ARMH3: variants seen among roughly 807,000 people sequenced by gnomAD.
The protein encoded by ARMH3 is armadillo like helical domain containing 3.
A neutral mutation model predicts 99.1 loss-of-function variants in ARMH3; 60 were observed. That is an observed-to-expected ratio of 0.61 (90% CI 0.49 to 0.75). The LOEUF (loss-of-function observed/expected upper bound fraction) is 0.75. Ranked by LOEUF, ARMH3 falls within the 30% of genes least tolerant of loss-of-function variation. The pLI, the probability that ARMH3 is intolerant of heterozygous loss-of-function variation, is 0.00. For missense variants in ARMH3, 679 were observed against 843.1 expected, an observed-to-expected ratio of 0.81 and a Z score of 2.41; for synonymous variants, 285 against 292.8, an observed-to-expected ratio of 0.97 and a Z score of 0.27.
chr10:101,984,981 T>C (rs1003436703), intron 19 of ARMH3, among the ~76,000 whole-genome samples: 7 of 151,200 alleles, frequency 4.6e-5, no homozygotes, highest in African/African-American at 1.5e-4. Flanking sequence ...AGGCAGAGAA[T>C]TGCTTGAACC....
chr10:101,857,684 G>A (rs1160051312), intron 24 of ARMH3, among the ~76,000 whole-genome samples: 6 of 152,174 alleles, frequency 3.9e-5, no homozygotes, highest in African/African-American at 1.4e-4. Context: ...AAACTCAAAG[G>A]AAGACGACTT....
intron 1 of ARMH3, among the ~76,000 whole-genome samples, chr10:102,054,840 AC>A: frequency 6.6e-6 from 1 of 152,016 alleles, no homozygotes; most frequent in East Asian, 1.9e-4. Context: ...TACTAAAAAT[AC>A]AAAAATTAGC....
intron 19 of ARMH3, among the ~76,000 whole-genome samples, chr10:101,983,477 T>G (rs1262509616): frequency 6.6e-6 from 1 of 152,116 alleles, no homozygotes; most frequent in Non-Finnish European, 1.5e-5. Flanking sequence ...GTCACCAAGT[T>G]GCTCAGGCTG....
chr10:101,967,792 T>C (rs1468210151), intron 20 of ARMH3, among the ~76,000 whole-genome samples: 4 of 152,144 alleles, frequency 2.6e-5, no homozygotes, highest in African/African-American at 4.8e-5. Context: ...TACAGGCATC[T>C]GTCTGGATGC....
At chr10:101,861,814 CGAG>C (rs2066877654) in intron 24 of ARMH3, among the ~76,000 whole-genome samples, 1 of 140,820 alleles carries the variant, frequency 7.1e-6, no homozygotes, top group South Asian at 2.2e-4. Flanking sequence ...GGGTGGATCA[CGAG>C]GTCAGGAGAT....
At chr10:101,849,201 T>A (rs2135250183) in intron 25 of ARMH3, among the ~76,000 whole-genome samples, 1 of 152,278 alleles carries the variant, frequency 6.6e-6, no homozygotes, top group South Asian at 2.1e-4. Context: ...GGGCTGAGCT[T>A]TTCTTGAGAA....
chr10:101,861,309 G>A (rs1554849003), intron 24 of ARMH3, among the ~76,000 whole-genome samples: 1 of 151,750 alleles, frequency 6.6e-6, no homozygotes, highest in Non-Finnish European at 1.5e-5. Context: ...GTGCTGACAG[G>A]AAAAAAAATA....
intron 1 of ARMH3, among the ~76,000 whole-genome samples, chr10:102,042,740 C>CT (rs1426273613): frequency 2.0e-5 from 3 of 152,168 alleles, no homozygotes; most frequent in African/African-American, 7.2e-5. Context: ...AAACTTTTTC[C>CT]TTGGGTCTCA....
chr10:102,021,639 C>T (rs1299481331), intron 8 of ARMH3, among the ~76,000 whole-genome samples: 1 of 152,026 alleles, frequency 6.6e-6, no homozygotes. Flanking sequence ...GCTCCGCCTC[C>T]TGGGTTCACA....
intron 8 of ARMH3, among the ~76,000 whole-genome samples, chr10:102,019,846 T>C (rs1282046805): frequency 2.0e-5 from 3 of 147,954 alleles, no homozygotes; most frequent in African/African-American, 5.0e-5. Context: ...GAGAATGGCA[T>C]GAACCCAGGA....
In ARMH3 at chr10:102,042,903, T is replaced by C. The variant is rs531877936; in HGVS notation, c.-11-2778A>G. On this transcript the variant is annotated intron_variant, in intron 1 of 25. Transcript: ENST00000370033. The stretch of plus-strand genomic sequence containing the variant: ...GCCTGACCAACATGCAGAAACCCCG[T>C]CTCTACTAAAAATACAAAATTAGCC... 5.3e-5 allele frequency among the ~76,000 whole-genome samples: 8 copies of C among 152,168 alleles called. No homozygotes were observed. The East Asian group carries it at 1.5e-3, about 29-fold the overall frequency.
intron 23 of ARMH3, among the ~76,000 whole-genome samples, chr10:101,900,453 A>C (rs772290038): frequency 3.9e-5 from 6 of 152,194 alleles, no homozygotes; most frequent in Non-Finnish European, 8.8e-5. Flanking sequence ...ACTGGAGATA[A>C]GCTCAAAACC....
intron 20 of ARMH3, among the ~76,000 whole-genome samples, chr10:101,966,102 C>CTTTTTTTTTTT (rs1047048779): frequency 2.0e-4 from 25 of 126,272 alleles, no homozygotes; most frequent in African/African-American, 3.5e-4. Context: ...TTTTTCTTTT[C>CTTTTTTTTTTT]TTTTTTTTTT....
At chr10:101,942,476 T>G (rs1260743377) in intron 22 of ARMH3, among the ~76,000 whole-genome samples, 1 of 152,202 alleles carries the variant, frequency 6.6e-6, no homozygotes, top group Non-Finnish European at 1.5e-5. Flanking sequence ...ATAATGTCAT[T>G]TATGGTTCTG....
At chr10:101,905,203 A>G (rs2068074414) in intron 23 of ARMH3, among the ~76,000 whole-genome samples, 1 of 152,198 alleles carries the variant, frequency 6.6e-6, no homozygotes, top group Admixed American at 6.5e-5. Flanking sequence ...TCTGTAGCTT[A>G]AGACCTCAGG....
intron 23 of ARMH3, among the ~76,000 whole-genome samples, chr10:101,921,467 G>C (rs1843301896): frequency 6.6e-6 from 1 of 152,114 alleles, no homozygotes. Context: ...AAGCTGTTTA[G>C]AATACCGCTA....
At chr10:101,953,193 A>C (rs1415919256) in intron 22 of ARMH3, among the ~76,000 whole-genome samples, 1 of 152,154 alleles carries the variant, frequency 6.6e-6, no homozygotes, top group South Asian at 2.1e-4. Flanking sequence ...GCAGTGGTAC[A>C]ATCTCAGCTC....
chr10:101,863,964 G>C (rs2066930820), intron 24 of ARMH3, among the ~76,000 whole-genome samples: 1 of 151,440 alleles, frequency 6.6e-6, no homozygotes, highest in African/African-American at 2.4e-5. Context: ...AGGAGGCTGA[G>C]GCAGGAGAAT....
chr10:101,880,355 G>A (rs535065472), intron 24 of ARMH3, among the ~76,000 whole-genome samples: 185 of 152,296 alleles, frequency 1.2e-3, no homozygotes, highest in Middle Eastern at 6.8e-3. Flanking sequence ...CCCTATTTGA[G>A]ATCCAAAGCT....
Sources: allele counts gnomAD v4.1 joint callset (sites outside exome capture counted in the v4.1 genomes callset), GRCh38; gene constraint gnomAD v4.1.1; transcripts MANE v1.5; gene names NCBI Gene and HGNC (gene_info 2026-07-23, HGNC 2026-07-21).